Variants in FBLN7 observed in about 807,000 individuals in gnomAD.
FBLN7 encodes the protein fibulin-7.
In FBLN7, 31 loss-of-function variants were observed where a neutral mutation model predicts 44.0. That is an observed-to-expected ratio of 0.70 (90% confidence interval 0.53 to 0.95). FBLN7 has a LOEUF of 0.95. Ranked by LOEUF, FBLN7 falls within the 40% of genes least tolerant of loss-of-function variation. FBLN7 has a pLI of 0.00. For missense variants in FBLN7, 573 were observed against 618.5 expected (o/e 0.93, Z 0.78); for synonymous variants, 262 against 253.4 (o/e 1.03, Z -0.32).
At chr2:112,199,751 T>G in the FBLN7 span, among the ~76,000 whole-genome samples, 1 of 152,238 alleles carries the variant, frequency 6.6e-6, no homozygotes, top group Admixed American at 6.5e-5. Flanking sequence ...TCTGCCCTCA[T>G]GAATGGATTA....
Position 112,153,924 on chromosome 2 carries a change from T to C in FBLN7, c.76-5752T>C, listed in dbSNP as rs559631885. ...TGGAGCGTTCCATGGGCCTTCTTGCTTCCAAGAGCCTTAAAACCAGCTCCT... is the reference window on the plus strand; with the variant it reads ...TGGAGCGTTCCATGGGCCTTCTTGCCTCCAAGAGCCTTAAAACCAGCTCCT... On this transcript the variant is annotated intron_variant, in intron 1 of 7. Coordinates refer to ENST00000331203, the MANE Select transcript of FBLN7 (RefSeq NM_153214.3). 2.8e-4 allele frequency among the ~76,000 whole-genome samples: 42 copies of C among 152,298 alleles called. 1 individual carries two copies. The South Asian group carries it at 8.5e-3, about 31-fold the overall frequency.
At chr2:112,236,522 T>A in the FBLN7 span, 1 of 1,602,314 alleles carries the variant, frequency 6.2e-7, no homozygotes. Flanking sequence ...TCCAAAAGCA[T>A]GCAGGGGTCA....
At chr2:112,205,228 A>G in the FBLN7 span, among the ~76,000 whole-genome samples, 1 of 152,144 alleles carries the variant, frequency 6.6e-6, no homozygotes, top group Non-Finnish European at 1.5e-5. Context: ...ATAATAGACT[A>G]GAAAATATGT....
chr2:112,222,096 G>A, the FBLN7 span, among the ~76,000 whole-genome samples: 3 of 152,058 alleles, frequency 2.0e-5, no homozygotes, highest in Admixed American at 1.3e-4. Flanking sequence ...GGGATCAGTT[G>A]ACTGGCTTAG....
chr2:112,191,689 GGACA>G (rs1683496739), downstream of FBLN7, among the ~76,000 whole-genome samples: 4 of 151,762 alleles, frequency 2.6e-5, no homozygotes, highest in African/African-American at 9.7e-5. Flanking sequence ...ATGCGATTAG[GGACA>G]GACAGTCAAC....
the FBLN7 span, among the ~76,000 whole-genome samples, chr2:112,225,116 G>GTA: frequency 3.9e-5 from 6 of 152,250 alleles, no homozygotes; most frequent in African/African-American, 1.4e-4. Context: ...TTACTTTTGT[G>GTA]TATTGATCTT....
At chr2:112,235,242 A>C in the FBLN7 span, among the ~76,000 whole-genome samples, 4 of 152,362 alleles carry the variant, frequency 2.6e-5, no homozygotes, top group African/African-American at 9.6e-5. Context: ...ATTTCCACTT[A>C]GCACCATCAA....
intron 4 of FBLN7, among the ~76,000 whole-genome samples, chr2:112,180,740 G>A (rs1682938525): frequency 6.6e-6 from 1 of 151,986 alleles, no homozygotes; most frequent in East Asian, 1.9e-4. Flanking sequence ...CTAACATGGT[G>A]AAACCCCGTC....
the FBLN7 span, among the ~76,000 whole-genome samples, chr2:112,193,338 G>C: frequency 6.6e-6 from 1 of 152,198 alleles, no homozygotes; most frequent in Non-Finnish European, 1.5e-5. Flanking sequence ...GTACTTGGAG[G>C]CTGAGGCAGG....
chr2:112,185,109 A>G lies in FBLN7; in HGVS notation c.809-92A>G. On this transcript the variant is annotated intron_variant, in intron 6 of 7. Transcript: ENST00000331203. Reference sequence around the variant, plus strand: ...AAGTGCCAGGAGCAGGGAGCACCACATTACAGGACCTGCAGGGCCTCTCAT... The same window carrying G: ...AAGTGCCAGGAGCAGGGAGCACCACGTTACAGGACCTGCAGGGCCTCTCAT... 2.0e-6 allele frequency: 3 copies of G among 1,513,752 alleles called. No homozygotes were observed. In the East Asian group the frequency reaches 7.0e-5, roughly 35 times the overall value. The allele number at this position is 1,513,752 out of a possible 1,614,324, so 93.8% of individuals were successfully genotyped here.
intron 1 of FBLN7, among the ~76,000 whole-genome samples, chr2:112,157,718 G>C (rs4411701): frequency 0.47 from 71,206 of 152,070 alleles, 16,977 homozygotes; most frequent in Middle Eastern, 0.65. Context: ...CAACCTCCCA[G>C]GCTCAAGTGA....
intron 5 of FBLN7, 67 bp from the exon 6 acceptor site, chr2:112,182,724 T>C (rs1683064728): frequency 1.3e-6 from 2 of 1,516,546 alleles, no homozygotes; most frequent in Admixed American, 4.4e-5. Flanking sequence ...GCATGATTGT[T>C]CTGGGTCACA....
intron 3 of FBLN7, among the ~76,000 whole-genome samples, chr2:112,173,736 C>A (rs1328794524): frequency 6.6e-6 from 1 of 152,262 alleles, no homozygotes; most frequent in African/African-American, 2.4e-5. Context: ...ATGCACTTGA[C>A]TGAATGCCAC....
At position 112,150,145 on chromosome 2, in the gene FBLN7, C is replaced by T. The variant is rs182702395; in HGVS notation, c.76-9531C>T. Among the ~76,000 whole-genome samples, 6 of 152,344 alleles carry T rather than the reference C, an allele frequency of 3.9e-5. No homozygotes were observed. In the East Asian group the frequency reaches 1.2e-3, roughly 29 times the overall value. ...TCCCCGTCTGCTGGAGATTAGTTCC[C>T]TCTGGACCTTAGATGGAAGGGGAGG... On this transcript the variant is annotated intron_variant, in intron 1 of 7. Coordinates refer to ENST00000331203, the MANE Select transcript of FBLN7 (RefSeq NM_153214.3).
chr2:112,227,389 G>T, the FBLN7 span, among the ~76,000 whole-genome samples: 1 of 152,222 alleles, frequency 6.6e-6, no homozygotes, highest in Non-Finnish European at 1.5e-5. Context: ...GCCGGGCGTG[G>T]TGGCAGATGC....
chr2:112,236,457 G>A, the FBLN7 span: 1 of 1,448,636 alleles, frequency 6.9e-7, no homozygotes, highest in Non-Finnish European at 9.3e-7. Flanking sequence ...TCTGTGGGAT[G>A]CTTCCACCTC....
chr2:112,147,038 A>G (rs998803435), intron 1 of FBLN7, among the ~76,000 whole-genome samples: 2 of 151,968 alleles, frequency 1.3e-5, no homozygotes, highest in South Asian at 4.1e-4. Flanking sequence ...CTTTTTTTCT[A>G]CTTCACTTGA....
chr2:112,223,745 A>AAAT, the FBLN7 span, among the ~76,000 whole-genome samples: 2 of 152,204 alleles, frequency 1.3e-5, no homozygotes, highest in Non-Finnish European at 2.9e-5. Context: ...AATTAGTATA[A>AAAT]AATAGAATTA....
intron 3 of FBLN7, among the ~76,000 whole-genome samples, chr2:112,165,925 A>G (rs1453703713): frequency 6.6e-6 from 1 of 152,268 alleles, no homozygotes; most frequent in Non-Finnish European, 1.5e-5. Flanking sequence ...TCATTTTCAG[A>G]GCAAGGTTCG....
Sources: gnomAD v4.1 joint callset for allele counts (sites outside exome capture counted in the v4.1 genomes callset) on GRCh38, gnomAD v4.1.1 for gene constraint, MANE v1.5 for transcripts, NCBI Gene and HGNC (gene_info 2026-07-23, HGNC 2026-07-21) for gene names.